The following PHF19 variants were observed in gnomAD, a reference collection of about 807,000 sequenced individuals.
The protein encoded by PHF19 is polycomb like 3.
A neutral mutation model predicts 79.8 loss-of-function variants in PHF19; 21 were observed. That is an observed-to-expected ratio of 0.26 (90% CI 0.19 to 0.38). The LOEUF (loss-of-function observed/expected upper bound fraction) is 0.38. PHF19 is among the 10% of genes least tolerant of loss of function. The pLI is 1.00. For synonymous variants in PHF19, 273 were observed against 296.3 expected, an observed-to-expected ratio of 0.92 and a Z score of 0.81; for missense variants, 445 against 744.2, an observed-to-expected ratio of 0.60 and a Z score of 4.68.
At position 120,869,938 on chromosome 9, in the gene PHF19, G is replaced by A. The variant is rs1310751800; in HGVS notation, c.372C>T (p.His124=). 1.9e-6 allele frequency: 3 copies of A among 1,577,464 alleles called. No individual in the cohort carries two copies. In the Admixed American group the frequency reaches 5.6e-5, roughly 29 times the overall value. ...LICGKCGLGY[H]QQCHIPIAGS... ...CCGCTATGGGGATGTGGCACTGCTG[G>A]TGGTAACCTACGGCAGAGGAGGGGG... Residue 124 remains histidine, a synonymous_variant, in exon 5 of 15, where the codon CAC becomes CAT. Transcript: ENST00000373896. The surrounding 1 kb of genome is among the most constrained non-coding windows in gnomAD (Gnocchi z 5.8).
intron 1 of PHF19, among the ~76,000 whole-genome samples, chr9:120,888,409 T>C (rs2046298004): frequency 6.6e-6 from 1 of 152,214 alleles, no homozygotes; most frequent in Admixed American, 6.5e-5. Flanking sequence ...GCCGTGAACT[T>C]ATGTCTGCCT....
At position 120,862,973 on chromosome 9, in the gene PHF19, G is replaced by T; in HGVS notation, c.969-224C>A. On this transcript the variant is annotated intron_variant, in intron 10 of 14. Transcript: ENST00000373896. This position sits in a 1 kb window ranked among gnomAD's most constrained non-coding sequence, Gnocchi z 4.6. Reference sequence around the variant, plus strand: ...CCTCCCTGTGCTTCCTCCTGCATGAGTGTGGTTCTTGCTGCTCTTCTCCCT... The same window carrying T: ...CCTCCCTGTGCTTCCTCCTGCATGATTGTGGTTCTTGCTGCTCTTCTCCCT... 1.8e-6 allele frequency: 1 copy of T among 547,806 alleles called. No homozygotes were observed. Among genetic ancestry groups the T allele is most frequent in the Non-Finnish European group, 3.3e-6 (1 of 304,376 alleles). 33.9% of individuals were successfully genotyped at this position (547,806 alleles called of 1,614,324 possible).
intron 3 of PHF19, among the ~76,000 whole-genome samples, chr9:120,872,037 CAAAAAAAAAAAAAAAAA>C (rs1170243737): frequency 1.3e-4 from 4 of 30,324 alleles, no homozygotes; most frequent in Admixed American, 6.0e-4. Flanking sequence ...GACTCTGTCT[CAAAAAAAAAAAAAAAAA>C]AAAAAAAAAA....
At chr9:120,880,850 C>T (rs1239986872), upstream of PHF19, among the ~76,000 whole-genome samples, 1 of 151,806 alleles carries the variant, frequency 6.6e-6, no homozygotes, top group Non-Finnish European at 1.5e-5. Flanking sequence ...GTCCCAGCTA[C>T]TTGGGAGACT....
At chr9:120,892,271 TGGCCTTGTCTC>T (rs2046352332) in intron 1 of PHF19, among the ~76,000 whole-genome samples, 1 of 152,166 alleles carries the variant, frequency 6.6e-6, no homozygotes, top group Non-Finnish European at 1.5e-5. Flanking sequence ...TGTGCTTGCC[TGGCCTTGTCTC>T]GGCTCTCTCT....
rs949872655 is a variant in PHF19 at position 120,855,677 on chromosome 9, C to A, written c.*2267G>T. 5.2e-5 allele frequency: 8 copies of A among 152,646 alleles called. No individual in the cohort carries two copies. Among genetic ancestry groups the A allele is most frequent in the South Asian group, 2.1e-4 (1 of 4,832 alleles). 9.5% of individuals were successfully genotyped at this position (152,646 alleles called of 1,614,324 possible). On this transcript the variant is annotated 3_prime_UTR_variant, in exon 15 of 15. Coordinates refer to ENST00000373896, the MANE Select transcript of PHF19 (RefSeq NM_015651.3). ...GATTGTTCAAAGGGAGGTTTTAAAT[C>A]ATAAATCAGACACATTAATTATAAC...
intron 14 of PHF19, among the ~76,000 whole-genome samples, chr9:120,859,231 CTTTTTTT>C (rs59695692): frequency 9.5e-6 from 1 of 104,996 alleles, no homozygotes; most frequent in Non-Finnish European, 1.9e-5. Flanking sequence ...TACCATTGTC[CTTTTTTT>C]TTTTTTTTTT....
upstream of PHF19, among the ~76,000 whole-genome samples, chr9:120,899,161 T>C (rs2046422322): frequency 6.8e-6 from 1 of 146,344 alleles, no homozygotes; most frequent in Non-Finnish European, 1.5e-5. Context: ...ATTGGACCAC[T>C]GCACTCCAGC....
intron 3 of PHF19, 123 bp downstream of exon 3, chr9:120,873,856 G>A (rs1039846246): frequency 1.5e-6 from 1 of 655,896 alleles, no homozygotes; most frequent in Non-Finnish European, 2.8e-6. Flanking sequence ...GTGGGCTTGG[G>A]GTTCATGGTC....
intron 3 of PHF19, among the ~76,000 whole-genome samples, chr9:120,872,064 A>AG (rs2045918503): frequency 6.7e-6 from 1 of 149,200 alleles, no homozygotes; most frequent in African/African-American, 2.5e-5. Context: ...AAAAAAAAAA[A>AG]AAAAGAAATG....
intron 1 of PHF19, among the ~76,000 whole-genome samples, chr9:120,886,289 C>G (rs1257583472): frequency 6.6e-6 from 1 of 152,164 alleles, no homozygotes; most frequent in Non-Finnish European, 1.5e-5. Flanking sequence ...TCGACAGGCC[C>G]CAGGCATGTG....
In PHF19 at chr9:120,870,377, G is replaced by A. The variant is rs1005309725; in HGVS notation, c.364+66C>T. 6.5e-5 allele frequency: 64 copies of A among 988,288 alleles called. No homozygotes were observed. Among genetic ancestry groups the A allele is most frequent in the African/African-American group, 4.5e-4 (28 of 62,650 alleles). 61.2% of individuals were successfully genotyped at this position (988,288 alleles called of 1,614,324 possible). A position where few individuals can be genotyped will look rare whatever the true frequency, so the allele number is the denominator to read the frequency against. ...GCCCCAACAGGCTGCAGCAGTACCC[G>A]TCAGGGGCCAGTGCGTGGGGACCTA... On this transcript the variant is annotated intron_variant, in intron 4 of 14. Transcript: ENST00000373896. The surrounding 1 kb of genome is among the most constrained non-coding windows in gnomAD (Gnocchi z 4.4).
Position 120,869,024 on chromosome 9 carries a change from G to GC in PHF19, c.614+157dup, listed in dbSNP as rs982496074. 3 of 178,496 alleles carry GC rather than the reference G, an allele frequency of 1.7e-5. No homozygotes were observed. Among genetic ancestry groups the GC allele is most frequent in the Non-Finnish European group, 2.3e-5 (3 of 132,896 alleles). The allele number at this position is 178,496 out of a possible 1,614,324, so 11.1% of individuals were successfully genotyped here. On this transcript the variant is annotated intron_variant, in intron 6 of 14. Coordinates refer to ENST00000373896, the MANE Select transcript of PHF19 (RefSeq NM_015651.3). This position sits in a 1 kb window ranked among gnomAD's most constrained non-coding sequence, Gnocchi z 5.8. ...CCCCCGCGGCTGACACTCCAGGCCC[G>GC]CCCCTCGAGGCCCCGCCCCCACAGC... is the stretch of plus-strand genomic sequence containing the variant.
rs1403488313 is a variant in PHF19 at position 120,866,468 on chromosome 9, A to C, written c.711-372T>G. Among the ~76,000 whole-genome samples the C allele has an allele frequency of 6.6e-6, 1 of 151,836 alleles. No individual in the cohort carries two copies. Among genetic ancestry groups the C allele is most frequent in the African/African-American group, 2.4e-5 (1 of 41,300 alleles). ...AACATCAGGTTTGACATCCATAAGG[A>C]CTCCATTAGCTTTGCTCCGTCGGTT... On this transcript the variant is annotated intron_variant, in intron 7 of 14. Coordinates refer to ENST00000373896, the MANE Select transcript of PHF19 (RefSeq NM_015651.3). This position sits in a 1 kb window ranked among gnomAD's most constrained non-coding sequence, Gnocchi z 5.2.
At chr9:120,859,223 C>T (rs1169902548) in intron 14 of PHF19, among the ~76,000 whole-genome samples, 1 of 147,582 alleles carries the variant, frequency 6.8e-6, no homozygotes, top group African/African-American at 2.5e-5. Flanking sequence ...AGGCATTATA[C>T]CATTGTCCTT....
At position 120,866,742 on chromosome 9, in the gene PHF19, G is replaced by C; in HGVS notation, c.710+128C>G. The C allele has an allele frequency of 1.5e-6, 1 of 649,460 alleles. No homozygotes were observed. The highest frequency in any genetic ancestry group is 1.8e-5 in the South Asian group (1 of 55,946). 40.2% of individuals were successfully genotyped at this position (649,460 alleles called of 1,614,324 possible). On this transcript the variant is annotated intron_variant, in intron 7 of 14. Coordinates refer to ENST00000373896, the MANE Select transcript of PHF19 (RefSeq NM_015651.3). The surrounding 1 kb of genome is among the most constrained non-coding windows in gnomAD (Gnocchi z 5.2). ...TACCTTGAGCTGCCTCCAGTAAACA[G>C]GTAGGCATACATTGTCACAGACCTC...
chr9:120,858,807 G>C (rs1236483089), intron 14 of PHF19, among the ~76,000 whole-genome samples: 5 of 92,416 alleles, frequency 5.4e-5, no homozygotes, highest in Admixed American at 1.2e-4. Context: ...GAGACTGACA[G>C]ACATCACACA....
chr9:120,860,848 T>A lies in PHF19; in HGVS notation c.1304+241A>T, dbSNP rs1012433862. ...GCAGAGGGAGCAATACGAGCAAAGA[T>A]GAGCAAGCATCAAACAGCATGGTGA... On this transcript the variant is annotated intron_variant, in intron 13 of 14. Coordinates refer to ENST00000373896, the MANE Select transcript of PHF19 (RefSeq NM_015651.3). This position sits in a 1 kb window ranked among gnomAD's most constrained non-coding sequence, Gnocchi z 4.1. 1.5e-5 allele frequency: 7 copies of A among 465,616 alleles called. No individual in the cohort carries two copies. The highest frequency in any genetic ancestry group is 2.4e-5 in the Non-Finnish European group (6 of 251,316). The allele number at this position is 465,616 out of a possible 1,614,324, so 28.8% of individuals were successfully genotyped here.
upstream of PHF19, among the ~76,000 whole-genome samples, chr9:120,897,222 C>G (rs1189352177): frequency 6.6e-6 from 1 of 152,246 alleles, no homozygotes; most frequent in African/African-American, 2.4e-5. Flanking sequence ...AGTCCTGGGG[C>G]TGGCCCACGC....
Sources: allele counts gnomAD v4.1 joint callset (sites outside exome capture counted in the v4.1 genomes callset), GRCh38; gene constraint gnomAD v4.1.1; non-coding constraint Gnocchi (gnomAD v3.1); transcripts MANE v1.5; gene names NCBI Gene and HGNC (gene_info 2026-07-23, HGNC 2026-07-21).